Variants in TSHZ2 observed in about 807,000 individuals in gnomAD.
TSHZ2 encodes the protein teashirt zinc finger homeobox 2, also known as teashirt homolog 2.
Under a neutral mutation model 74.4 loss-of-function variants are expected in TSHZ2, and 21 were observed. That is an observed-to-expected ratio of 0.28 (90% CI 0.20 to 0.41). The LOEUF (loss-of-function observed/expected upper bound fraction) is 0.41, where lower values mean the gene tolerates loss of function less well. Ranked by LOEUF, TSHZ2 falls within the 10% of genes least tolerant of loss-of-function variation. TSHZ2 has a pLI of 1.00. For synonymous variants in TSHZ2, 540 were observed against 515.3 expected, an observed-to-expected ratio of 1.05 and a Z score of -0.65; for missense variants, 1,244 against 1,293.5, an observed-to-expected ratio of 0.96 and a Z score of 0.59.
Position 53,255,798 on chromosome 20 carries a change from A to T in TSHZ2, c.2340A>T (p.Ala780=). 1 of 1,613,954 alleles carries T rather than the reference A, an allele frequency of 6.2e-7. No individual in the cohort carries two copies. The highest frequency in any genetic ancestry group is 8.5e-7 in the Non-Finnish European group (1 of 1,179,952). ...SKSKKAESSQ[A]QSCMSPPQKH... ...GCAAGAAAGCCGAGTCCTCGCAAGC[A>T]CAATCTTGTATGTCCCCACCTCAGA... The change falls in exon 2 of 3, where the codon GCA becomes GCT. Residue 780 remains alanine, a synonymous_variant. Coordinates refer to ENST00000371497, the MANE Select transcript of TSHZ2 (RefSeq NM_173485.6). This position sits in a 1 kb window ranked among gnomAD's most constrained non-coding sequence, Gnocchi z 4.1.
intron 1 of TSHZ2, among the ~76,000 whole-genome samples, chr20:53,156,755 A>C (rs1173151978): frequency 6.6e-6 from 1 of 152,232 alleles, no homozygotes; most frequent in Non-Finnish European, 1.5e-5. Flanking sequence ...ACTGTGCTGA[A>C]TTAATACTTT....
chr20:53,472,083 G>T (rs958932070), intron 2 of TSHZ2, among the ~76,000 whole-genome samples: 5 of 152,170 alleles, frequency 3.3e-5, no homozygotes, highest in African/African-American at 1.2e-4. Flanking sequence ...GGGACTACAG[G>T]TGTGAGCCCG....
chr20:53,042,035 A>G (rs1207599677), intron 1 of TSHZ2, among the ~76,000 whole-genome samples: 2 of 151,868 alleles, frequency 1.3e-5, no homozygotes, highest in African/African-American at 4.9e-5. Flanking sequence ...ACATTGCAGC[A>G]TATTACCCAA....
At chr20:53,160,258 A>G (rs1201160672) in intron 1 of TSHZ2, among the ~76,000 whole-genome samples, 2 of 152,226 alleles carry the variant, frequency 1.3e-5, no homozygotes, top group Admixed American at 1.3e-4. Flanking sequence ...AATGGAAAAC[A>G]TTGAAAGGGC....
intron 2 of TSHZ2, among the ~76,000 whole-genome samples, chr20:53,436,053 G>A (rs568392065): frequency 6.6e-6 from 1 of 152,340 alleles, no homozygotes; most frequent in African/African-American, 2.4e-5. Flanking sequence ...TAGCAATAAT[G>A]ATAACATATT....
At chr20:53,286,129 T>C (rs1352835398) in intron 2 of TSHZ2, among the ~76,000 whole-genome samples, 1 of 152,232 alleles carries the variant, frequency 6.6e-6, no homozygotes, top group Non-Finnish European at 1.5e-5. Flanking sequence ...CAAAAGGTTA[T>C]GTGTTTGGCC....
intron 1 of TSHZ2, among the ~76,000 whole-genome samples, chr20:53,195,897 C>A (rs1988851326): frequency 6.6e-6 from 1 of 152,156 alleles, no homozygotes; most frequent in Non-Finnish European, 1.5e-5. Flanking sequence ...GCAGACCTAA[C>A]TGCAGGTGAC....
At chr20:53,280,795 C>T (rs537355542) in intron 2 of TSHZ2, among the ~76,000 whole-genome samples, 12 of 152,048 alleles carry the variant, frequency 7.9e-5, no homozygotes, top group South Asian at 2.1e-4. Flanking sequence ...TGGGTTCAAG[C>T]GATTCTCCTG....
intron 2 of TSHZ2, among the ~76,000 whole-genome samples, chr20:53,280,353 C>A (rs1600786355): frequency 6.6e-6 from 1 of 152,266 alleles, no homozygotes; most frequent in East Asian, 1.9e-4. Context: ...TATCATAAAA[C>A]TCAAAAATTA....
At chr20:53,156,210 A>G (rs1987790263) in intron 1 of TSHZ2, among the ~76,000 whole-genome samples, 1 of 152,164 alleles carries the variant, frequency 6.6e-6, no homozygotes, top group African/African-American at 2.4e-5. Flanking sequence ...CCATATCTCT[A>G]TCAGCAATGG....
chr20:53,380,452 G>A (rs1249188483), intron 2 of TSHZ2, among the ~76,000 whole-genome samples: 1 of 152,180 alleles, frequency 6.6e-6, no homozygotes, highest in Admixed American at 6.5e-5. Flanking sequence ...TTGAACATAG[G>A]AGTAACTCTC....
intron 1 of TSHZ2, among the ~76,000 whole-genome samples, chr20:53,150,191 C>T (rs1175915362): frequency 1.3e-5 from 2 of 152,166 alleles, no homozygotes; most frequent in Non-Finnish European, 2.9e-5. Flanking sequence ...CACTTCTTGG[C>T]AAAGCTGGGA....
At chr20:53,387,315 C>T (rs1428902881) in intron 2 of TSHZ2, among the ~76,000 whole-genome samples, 1 of 152,180 alleles carries the variant, frequency 6.6e-6, no homozygotes, top group Non-Finnish European at 1.5e-5. Flanking sequence ...TAGCTGTGGC[C>T]TCTGTTGACC....
chr20:53,173,324 G>A (rs1019592770), intron 1 of TSHZ2, among the ~76,000 whole-genome samples: 7 of 152,130 alleles, frequency 4.6e-5, no homozygotes, highest in African/African-American at 1.2e-4. Context: ...ATAATAAAGC[G>A]GAGGCTGGGC....
intron 1 of TSHZ2, among the ~76,000 whole-genome samples, chr20:53,131,939 C>T (rs770513739): frequency 2.3e-4 from 35 of 149,574 alleles, no homozygotes; most frequent in South Asian, 6.4e-4. Context: ...AGAGAGGGAG[C>T]GAGCCAGGTT....
At chr20:53,445,852 A>G (rs1334187276) in intron 2 of TSHZ2, among the ~76,000 whole-genome samples, 1 of 152,180 alleles carries the variant, frequency 6.6e-6, no homozygotes, top group Non-Finnish European at 1.5e-5. Context: ...TATTATCTAT[A>G]TGTCATGCCA....
chr20:53,435,204 T>C lies in TSHZ2; in HGVS notation c.*9-51940T>C, dbSNP rs574161226. Among the ~76,000 whole-genome samples the C allele has an allele frequency of 2.0e-5, 3 of 152,314 alleles. No individual in the cohort carries two copies. In the South Asian group the frequency reaches 6.2e-4, roughly 32 times the overall value. ...TTTCTTTGCAGCACAGTTCAACCAT[T>C]ATTTTCTGAGTACCAATTGTGTGCA... On this transcript the variant is annotated intron_variant, in intron 2 of 2. Transcript: ENST00000371497.
chr20:53,012,092 T>C (rs1982872901), intron 1 of TSHZ2, among the ~76,000 whole-genome samples: 1 of 152,208 alleles, frequency 6.6e-6, no homozygotes, highest in South Asian at 2.1e-4. Flanking sequence ...GGCCCATGAC[T>C]GTTCAGAGAG....
At chr20:52,973,450 G>T (rs917967181) in intron 1 of TSHZ2, 117 bp downstream of exon 1, 1 of 1,346,566 alleles carries the variant, frequency 7.4e-7, no homozygotes, top group African/African-American at 1.5e-5. Flanking sequence ...AGTTTGCGCC[G>T]GGTGCCCTTC....
Sources: allele counts gnomAD v4.1 joint callset (sites outside exome capture counted in the v4.1 genomes callset), GRCh38; gene constraint gnomAD v4.1.1; non-coding constraint Gnocchi (gnomAD v3.1); transcripts MANE v1.5; gene names NCBI Gene and HGNC (gene_info 2026-07-23, HGNC 2026-07-21).